Variants in DRC8 observed in about 807,000 individuals in gnomAD.
DRC8 encodes dynein regulatory complex subunit 8.
the DRC8 span, among the ~76,000 whole-genome samples, chr1:245,047,711 A>G: frequency 6.6e-6 from 1 of 151,498 alleles, no homozygotes; most frequent in Non-Finnish European, 1.5e-5. Flanking sequence ...CATGCCTGCA[A>G]TCCCAGCACT....
the DRC8 span, among the ~76,000 whole-genome samples, chr1:245,104,556 A>G: frequency 6.6e-6 from 1 of 151,846 alleles, no homozygotes; most frequent in Non-Finnish European, 1.5e-5. Context: ...ACCCCCGTGT[A>G]TTTATTAGGC....
At chr1:245,023,730 G>A in the DRC8 span, among the ~76,000 whole-genome samples, 6,298 of 152,148 alleles carry the variant, frequency 0.041, 333 homozygotes, top group Admixed American at 0.16. Flanking sequence ...TCTAGTCTTT[G>A]CCCATTTTTA....
At chr1:245,002,101 A>G in the DRC8 span, 2 of 1,572,868 alleles carry the variant, frequency 1.3e-6, no homozygotes, top group Non-Finnish European at 1.7e-6. Flanking sequence ...AGTACTCTTC[A>G]TGTGTCTCCT....
the DRC8 span, among the ~76,000 whole-genome samples, chr1:245,064,818 A>G: frequency 1.2e-4 from 18 of 152,050 alleles, no homozygotes; most frequent in African/African-American, 3.9e-4. Context: ...TCCTTTGTAT[A>G]TAAACATTAA....
At chr1:244,994,107 G>C in the DRC8 span, among the ~76,000 whole-genome samples, 1 of 152,182 alleles carries the variant, frequency 6.6e-6, no homozygotes. Flanking sequence ...CTTTAGCTCT[G>C]TCCCCTGAGC....
At chr1:244,980,037 T>C in the DRC8 span, among the ~76,000 whole-genome samples, 2 of 22,518 alleles carry the variant, frequency 8.9e-5, no homozygotes, top group African/African-American at 2.3e-4. Context: ...ACCCCGTCTC[T>C]ACTAAAAAAA....
the DRC8 span, among the ~76,000 whole-genome samples, chr1:245,063,165 C>T: frequency 6.6e-6 from 1 of 152,074 alleles, no homozygotes; most frequent in African/African-American, 2.4e-5. Flanking sequence ...GCTTGGTTTG[C>T]CACTTCACTC....
the DRC8 span, among the ~76,000 whole-genome samples, chr1:245,061,618 C>G: frequency 6.6e-6 from 1 of 151,990 alleles, no homozygotes; most frequent in Non-Finnish European, 1.5e-5. Context: ...AAAAAAAGCA[C>G]AAATTTGAAT....
the DRC8 span, among the ~76,000 whole-genome samples, chr1:244,991,905 A>G: frequency 6.6e-6 from 1 of 152,194 alleles, no homozygotes; most frequent in East Asian, 1.9e-4. Flanking sequence ...GTTACAATTG[A>G]CTGTCTGGAC....
At chr1:244,970,688 C>T in the DRC8 span, 26 of 483,026 alleles carry the variant, frequency 5.4e-5, 1 homozygote, top group African/African-American at 4.8e-4. Context: ...CGCCTCTCTC[C>T]CCTCTTCCCT....
chr1:245,009,246 G>T, the DRC8 span, among the ~76,000 whole-genome samples: 1 of 151,396 alleles, frequency 6.6e-6, no homozygotes, highest in Non-Finnish European at 1.5e-5. Flanking sequence ...TGTTGGTCAG[G>T]CTGGTCTCGA....
the DRC8 span, chr1:244,970,000 C>T: frequency 3.7e-6 from 2 of 539,406 alleles, no homozygotes; most frequent in Non-Finnish European, 6.5e-6. Flanking sequence ...CAACAAAAAT[C>T]GAGCAACGCC....
chr1:245,043,606 AG>A, the DRC8 span, among the ~76,000 whole-genome samples: 2 of 152,184 alleles, frequency 1.3e-5, no homozygotes, highest in Non-Finnish European at 2.9e-5. Flanking sequence ...TATTTTTCAA[AG>A]GGACAACATT....
At chr1:245,005,385 C>CT in the DRC8 span, among the ~76,000 whole-genome samples, 1 of 151,752 alleles carries the variant, frequency 6.6e-6, no homozygotes, top group African/African-American at 2.4e-5. Context: ...GAGCCTCACT[C>CT]TGTCACCCAG....
At chr1:245,046,143 T>G in the DRC8 span, among the ~76,000 whole-genome samples, 8 of 152,214 alleles carry the variant, frequency 5.3e-5, no homozygotes, top group Admixed American at 4.6e-4. Flanking sequence ...TATATGATTT[T>G]ATCAATTATG....
chr1:245,047,112 G>A, the DRC8 span, among the ~76,000 whole-genome samples: 9 of 152,182 alleles, frequency 5.9e-5, no homozygotes, highest in African/African-American at 2.2e-4. Flanking sequence ...AAAGGGCTTC[G>A]TCTTTTCCAC....
At chr1:245,007,339 T>G in the DRC8 span, among the ~76,000 whole-genome samples, 1 of 152,190 alleles carries the variant, frequency 6.6e-6, no homozygotes, top group African/African-American at 2.4e-5. Context: ...AATCTTTGAT[T>G]GGATTTTAGT....
At chr1:245,097,840 GC>G in the DRC8 span, among the ~76,000 whole-genome samples, 62 of 152,256 alleles carry the variant, frequency 4.1e-4, no homozygotes, top group Non-Finnish European at 7.2e-4. The surrounding 1 kb of genome is among the most constrained non-coding windows in gnomAD (Gnocchi z 5.0). Flanking sequence ...CACGTGTTTG[GC>G]AGCCAGCAGG....
chr1:245,024,358 T>G, the DRC8 span, among the ~76,000 whole-genome samples: 31 of 152,276 alleles, frequency 2.0e-4, no homozygotes, highest in African/African-American at 7.0e-4. Flanking sequence ...ATTGGAAATA[T>G]GTCAAAGGGC....
Sources: allele counts gnomAD v4.1 joint callset (sites outside exome capture counted in the v4.1 genomes callset), GRCh38; gene constraint gnomAD v4.1.1; non-coding constraint Gnocchi (gnomAD v3.1); transcripts MANE v1.5; gene names NCBI Gene and HGNC (gene_info 2026-07-23, HGNC 2026-07-21).